VEGFC: variants seen among roughly 807,000 people sequenced by gnomAD.
VEGFC encodes FLT4 ligand DHM.
In VEGFC, 12 loss-of-function variants were observed where a neutral mutation model predicts 46.1. The observed-to-expected ratio is 0.26, with a 90% confidence interval of 0.17 to 0.42. The LOEUF is 0.42. VEGFC is among the 10% of genes least tolerant of loss of function. VEGFC has a pLI of 1.00. For missense variants in VEGFC, 488 were observed against 529.4 expected (o/e 0.92, Z 0.77); for synonymous variants, 232 against 195.5 (o/e 1.19, Z -1.56).
At chr4:176,706,560 A>G (rs1168905466) in intron 4 of VEGFC, among the ~76,000 whole-genome samples, 1 of 126,828 alleles carries the variant, frequency 7.9e-6, no homozygotes, top group Non-Finnish European at 1.6e-5. Flanking sequence ...CAGGAGGAGG[A>G]GGTTGCAGTG....
At chr4:176,688,768 G>A (rs1447886164) in intron 4 of VEGFC, among the ~76,000 whole-genome samples, 1 of 152,102 alleles carries the variant, frequency 6.6e-6, no homozygotes, top group Non-Finnish European at 1.5e-5. Context: ...TGGTGCCCAC[G>A]TGACATGAGC....
At chr4:176,684,911 G>T (rs1734012409) in intron 6 of VEGFC, among the ~76,000 whole-genome samples, 2 of 152,122 alleles carry the variant, frequency 1.3e-5, no homozygotes, top group African/African-American at 4.8e-5. Context: ...ATTTTTCATA[G>T]AGCCAGGGTT....
intron 3 of VEGFC, among the ~76,000 whole-genome samples, chr4:176,720,319 T>A (rs557298389): frequency 7.9e-5 from 12 of 152,286 alleles, no homozygotes; most frequent in Middle Eastern, 3.4e-3. Context: ...CCAGTTATTG[T>A]TCTAAAATTT....
chr4:176,788,378 G>A (rs554415056), intron 1 of VEGFC, among the ~76,000 whole-genome samples: 37 of 152,310 alleles, frequency 2.4e-4, no homozygotes, highest in African/African-American at 8.2e-4. Context: ...AAAGTCACAC[G>A]CAGTGCTTTT....
At chr4:176,787,872 T>G (rs1279523380) in intron 1 of VEGFC, among the ~76,000 whole-genome samples, 1 of 152,224 alleles carries the variant, frequency 6.6e-6, no homozygotes, top group Non-Finnish European at 1.5e-5. Context: ...GCTATATCTG[T>G]TTTTTCTAAT....
intron 1 of VEGFC, among the ~76,000 whole-genome samples, chr4:176,752,521 G>C (rs537921209): frequency 1.3e-5 from 2 of 152,088 alleles, no homozygotes; most frequent in Non-Finnish European, 2.9e-5. Flanking sequence ...GATGCAAAGA[G>C]AATCACTTCC....
At position 176,792,218 on chromosome 4, in the gene VEGFC, AGGCGGC is replaced by A; in HGVS notation, c.88_93del (p.Ala30_Ala31del). 3.8e-6 allele frequency: 6 copies of A among 1,561,570 alleles called. No homozygotes were observed. The highest frequency in any genetic ancestry group is 2.8e-5 in the African/African-American group (2 of 70,612). On this transcript the variant is annotated inframe_deletion, in exon 1 of 7. Coordinates refer to ENST00000618562, the MANE Select transcript of VEGFC (RefSeq NM_005429.5). This position sits in a 1 kb window ranked among gnomAD's most constrained non-coding sequence, Gnocchi z 6.3. The stretch of plus-strand genomic sequence containing the variant: ...TCCGAGAGGTCGAGTCCGGACTCGA[AGGCGGC>A]GGCGGCGGCGGGCGCCTCGCGAGGA...
chr4:176,767,752 C>G (rs147392106), intron 1 of VEGFC, among the ~76,000 whole-genome samples: 1 of 152,264 alleles, frequency 6.6e-6, no homozygotes, highest in Non-Finnish European at 1.5e-5. Context: ...TAGGGCCTTA[C>G]ATATAACAGG....
At chr4:176,762,402 C>T (rs1443874121) in intron 1 of VEGFC, among the ~76,000 whole-genome samples, 2 of 152,142 alleles carry the variant, frequency 1.3e-5, no homozygotes, top group Admixed American at 6.5e-5. Context: ...ACATTCCTCC[C>T]CTCCAGAGGA....
intron 1 of VEGFC, among the ~76,000 whole-genome samples, chr4:176,746,457 T>C (rs773218407): frequency 1.3e-5 from 2 of 152,092 alleles, no homozygotes; most frequent in African/African-American, 4.8e-5. Flanking sequence ...TTTTATTTGG[T>C]GTTCTGCACT....
rs376357269 is a variant in VEGFC at position 176,687,320 on chromosome 4, T to C, written c.1012A>G (p.Thr338Ala). The C allele has an allele frequency of 6.2e-7, 1 of 1,614,154 alleles. No homozygotes were observed. ...CGANREFDEN[T>A]CQCVCKRTCP... ...GTTCTTTTACATACACACTGGCATG[T>C]GTTTTCATCAAATTCTCGGTTGGCC... Residue 338 changes from threonine to alanine, a missense_variant, in exon 6 of 7, where the codon ACA becomes GCA. Physicochemically the swap from Thr to Ala is moderately conservative, Grantham distance 58. Transcript: ENST00000618562.
chr4:176,789,268 A>G (rs1736051136), intron 1 of VEGFC, among the ~76,000 whole-genome samples: 1 of 152,222 alleles, frequency 6.6e-6, no homozygotes, highest in Non-Finnish European at 1.5e-5. Flanking sequence ...TCTCAACTCA[A>G]CTGAAAAGGA....
intron 1 of VEGFC, among the ~76,000 whole-genome samples, chr4:176,731,988 G>T (rs1397082611): frequency 1.3e-5 from 2 of 151,574 alleles, no homozygotes; most frequent in Non-Finnish European, 2.9e-5. Context: ...ATTAAAAAAT[G>T]AAAAAAGTAG....
intron 1 of VEGFC, among the ~76,000 whole-genome samples, chr4:176,768,965 G>A (rs1374227728): frequency 6.6e-6 from 1 of 151,860 alleles, no homozygotes; most frequent in Non-Finnish European, 1.5e-5. Context: ...AAATTCACAT[G>A]TTAAAATATC....
chr4:176,698,587 T>C (rs1734367294), intron 4 of VEGFC, among the ~76,000 whole-genome samples: 1 of 151,848 alleles, frequency 6.6e-6, no homozygotes, highest in African/African-American at 2.4e-5. Context: ...AGTTACTGTG[T>C]GTGTGGGGGA....
chr4:176,711,591 G>T lies in VEGFC; in HGVS notation c.612C>A (p.Ala204=), dbSNP rs1321946343. The part of the protein sequence containing the change: ...QGPKPVTISF[A]NHTSCRCMSK... ...ACATGCATCGGCAGGAAGTGTGATT[G>T]GCAAAACTGATTGTTACTGGTTTGG... Residue 204 remains alanine (A), a synonymous_variant, in exon 4 of 7, where the codon GCC becomes GCA. Transcript: ENST00000618562. 2.5e-6 allele frequency: 4 copies of T among 1,613,746 alleles called. No individual in the cohort carries two copies. In the Admixed American group the frequency reaches 6.7e-5, roughly 27 times the overall value.
intron 3 of VEGFC, among the ~76,000 whole-genome samples, chr4:176,712,093 A>G (rs1435800087): frequency 2.6e-5 from 4 of 152,206 alleles, no homozygotes; most frequent in African/African-American, 7.2e-5. Context: ...ATACTTGGTT[A>G]TGACCTACTT....
At chr4:176,779,469 G>A (rs531459397) in intron 1 of VEGFC, among the ~76,000 whole-genome samples, 1 of 152,082 alleles carries the variant, frequency 6.6e-6, no homozygotes, top group African/African-American at 2.4e-5. Context: ...AGAATAAAAG[G>A]AAAGAAAAGA....
At chr4:176,751,859 A>C (rs1259239725) in intron 1 of VEGFC, among the ~76,000 whole-genome samples, 1 of 151,896 alleles carries the variant, frequency 6.6e-6, no homozygotes, top group Non-Finnish European at 1.5e-5. Flanking sequence ...TTTTCTCATA[A>C]CAATATCTGG....
Sources: allele counts gnomAD v4.1 joint callset (sites outside exome capture counted in the v4.1 genomes callset), GRCh38; gene constraint gnomAD v4.1.1; non-coding constraint Gnocchi (gnomAD v3.1); transcripts MANE v1.5; gene names NCBI Gene and HGNC (gene_info 2026-07-23, HGNC 2026-07-21).